ADGRV1: variants seen among roughly 807,000 people sequenced by gnomAD.
ADGRV1 encodes the protein adhesion G protein-coupled receptor V1.
Under a neutral mutation model 596.2 loss-of-function variants are expected in ADGRV1, and 359 were observed. The observed-to-expected ratio is 0.60, with a 90% CI of 0.55 to 0.66. The LOEUF is 0.66. Among genes scored for constraint, ADGRV1 ranks in the 30% least tolerant of loss-of-function variants. The pLI is 0.00. For missense variants in ADGRV1, 7,274 were observed against 7,575.6 expected, an observed-to-expected ratio of 0.96 and a Z score of 1.48; for synonymous variants, 2,681 against 2,679.2, an observed-to-expected ratio of 1.00 and a Z score of -0.02.
intron 54 of ADGRV1, among the ~76,000 whole-genome samples, chr5:90,754,687 G>T (rs1755639198): frequency 6.6e-6 from 1 of 152,056 alleles, no homozygotes; most frequent in African/African-American, 2.4e-5. Context: ...AGACTTTGCA[G>T]CAATTTCTGT....
chr5:90,929,861 A>G (rs991356287), intron 83 of ADGRV1, among the ~76,000 whole-genome samples: 1 of 152,176 alleles, frequency 6.6e-6, no homozygotes, highest in African/African-American at 2.4e-5. Flanking sequence ...TTTCTGTACA[A>G]CGTTAAGGAA....
Position 90,829,136 on chromosome 5 carries a change from G to A in ADGRV1, c.16561G>A (p.Ala5521Thr), listed in dbSNP as rs897217068. The change falls in exon 77 of 90, where the codon GCC becomes ACC. Residue 5521 changes from alanine (A) to threonine (T), a missense_variant. Physicochemically the swap from Ala to Thr is moderately conservative, Grantham distance 58. This residue lies in a region of ADGRV1 where 1,874 missense variants were observed against 1,970.2 expected (regional missense o/e 0.95). Transcript: ENST00000405460. The stretch of plus-strand genomic sequence containing the variant: ...GGCCACTTTAATCAGTCTGCAGGTG[G>A]CCAGAGATTCTGGGACAGGACTAAT... Reference protein sequence around the residue: ...KKATLISLQVARDSGTGLMMS... With the variant: ...KKATLISLQVTRDSGTGLMMS... The A allele has an allele frequency of 1.2e-6, 2 of 1,601,326 alleles. No homozygotes were observed. Among genetic ancestry groups the A allele is most frequent in the Non-Finnish European group, 8.5e-7 (1 of 1,171,706 alleles).
intron 83 of ADGRV1, among the ~76,000 whole-genome samples, chr5:90,954,999 G>A (rs576262506): frequency 6.6e-6 from 1 of 152,198 alleles, no homozygotes; most frequent in Admixed American, 6.5e-5. Context: ...TGACAGTGAA[G>A]CCCTCATGAC....
intron 75 of ADGRV1, among the ~76,000 whole-genome samples, chr5:90,822,587 G>A (rs1299946610): frequency 6.6e-6 from 1 of 152,104 alleles, no homozygotes; most frequent in African/African-American, 2.4e-5. Flanking sequence ...TGTTCTTTTG[G>A]CTTAGGACTG....
chr5:90,936,826 T>C (rs1775732092), intron 83 of ADGRV1, among the ~76,000 whole-genome samples: 1 of 152,104 alleles, frequency 6.6e-6, no homozygotes, highest in Admixed American at 6.5e-5. Flanking sequence ...ACATATGGTT[T>C]TTTTGCTACT....
intron 85 of ADGRV1, among the ~76,000 whole-genome samples, chr5:91,060,978 A>G (rs1787382256): frequency 6.6e-6 from 1 of 152,204 alleles, no homozygotes; most frequent in Non-Finnish European, 1.5e-5. Flanking sequence ...CATCTACAAC[A>G]TGAATAGTGG....
intron 83 of ADGRV1, among the ~76,000 whole-genome samples, chr5:90,957,610 T>C (rs1001840531): frequency 6.8e-6 from 1 of 148,104 alleles, no homozygotes; most frequent in Non-Finnish European, 1.5e-5. Flanking sequence ...TGTATATATT[T>C]TAACTATATA....
chr5:90,628,496 G>GA, intron 7 of ADGRV1, 66 bp from the exon 8 acceptor site: 1 of 1,376,350 alleles, frequency 7.3e-7, no homozygotes, highest in South Asian at 1.2e-5. Context: ...TTGACATTGG[G>GA]AAAGCTTATC....
At chr5:91,046,934 A>G (rs1409636734) in intron 85 of ADGRV1, among the ~76,000 whole-genome samples, 1 of 152,226 alleles carries the variant, frequency 6.6e-6, no homozygotes, top group Non-Finnish European at 1.5e-5. Context: ...ATCACTAATG[A>G]TCCGGGAAAT....
chr5:90,668,225 A>C, intron 21 of ADGRV1, among the ~76,000 whole-genome samples: 1 of 151,876 alleles, frequency 6.6e-6, no homozygotes, highest in Non-Finnish European at 1.5e-5. Flanking sequence ...GCCGCCTTGC[A>C]GTTTGATCTC....
chr5:90,653,736 C>A lies in ADGRV1; in HGVS notation c.4162C>A (p.Gln1388Lys), dbSNP rs1418009892. ...AAGCATCTACTACGGGGTAAAAATA[C>A]AAACAAACGAATCCCATGTGACACT... ...NGSIYYGVKI[Q>K]TNESHVTLSL... The change falls in exon 20 of 90, where the codon CAA becomes AAA. Residue 1388 changes from glutamine (Q) to lysine (K), a missense_variant. Transcript: ENST00000405460. 1 of 1,612,752 alleles carries A rather than the reference C, an allele frequency of 6.2e-7. No homozygotes were observed. The highest frequency in any genetic ancestry group is 8.5e-7 in the Non-Finnish European group (1 of 1,179,326).
At chr5:90,880,917 C>T (rs1769703064) in intron 83 of ADGRV1, among the ~76,000 whole-genome samples, 1 of 152,168 alleles carries the variant, frequency 6.6e-6, no homozygotes, top group African/African-American at 2.4e-5. Context: ...CCTATGTAGT[C>T]CATTCCTAAT....
intron 38 of ADGRV1, among the ~76,000 whole-genome samples, chr5:90,708,607 C>A (rs968056724): frequency 3.3e-5 from 5 of 151,818 alleles, no homozygotes; most frequent in Admixed American, 2.6e-4. Context: ...TAAGTGGTTT[C>A]ATGTGGGTCA....
chr5:90,584,126 T>A (rs149454669), intron 1 of ADGRV1, among the ~76,000 whole-genome samples: 110 of 152,284 alleles, frequency 7.2e-4, no homozygotes, highest in Admixed American at 6.3e-3. Flanking sequence ...TATACAATAT[T>A]TTAGATGGTT....
chr5:90,891,186 T>A (rs978414836), intron 83 of ADGRV1, among the ~76,000 whole-genome samples: 2 of 147,942 alleles, frequency 1.4e-5, no homozygotes, highest in African/African-American at 4.9e-5. Flanking sequence ...TAATATATAT[T>A]ATTTATATAT....
At chr5:90,575,937 C>G (rs1360409324) in intron 1 of ADGRV1, among the ~76,000 whole-genome samples, 1 of 152,058 alleles carries the variant, frequency 6.6e-6, no homozygotes, top group South Asian at 2.1e-4. Context: ...AAGGCCTCCC[C>G]TCACTGGAGC....
intron 85 of ADGRV1, among the ~76,000 whole-genome samples, chr5:91,060,726 A>G (rs1787351477): frequency 6.6e-6 from 1 of 152,220 alleles, no homozygotes; most frequent in African/African-American, 2.4e-5. Flanking sequence ...GTGACTAAAG[A>G]TGGCAAATAT....
At chr5:91,039,203 A>G (rs1474530304) in intron 85 of ADGRV1, among the ~76,000 whole-genome samples, 2 of 152,200 alleles carry the variant, frequency 1.3e-5, no homozygotes, top group African/African-American at 4.8e-5. Flanking sequence ...TGTAGCTCAT[A>G]TAAGTAAAAA....
At chr5:90,780,501 A>G (rs999813927) in intron 64 of ADGRV1, among the ~76,000 whole-genome samples, 1 of 152,144 alleles carries the variant, frequency 6.6e-6, no homozygotes, top group Non-Finnish European at 1.5e-5. Context: ...GAGGAATTAA[A>G]GTCATATTTT....
Sources: gnomAD v4.1 joint callset for allele counts (sites outside exome capture counted in the v4.1 genomes callset) on GRCh38, gnomAD v4.1.1 for gene constraint, gnomAD v4.1.1 regional missense constraint, MANE v1.5 for transcripts, NCBI Gene and HGNC (gene_info 2026-07-23, HGNC 2026-07-21) for gene names.